Variants in SPOCK2 observed in about 807,000 individuals in gnomAD.
The protein encoded by SPOCK2 is testican-2.
A neutral mutation model predicts 60.1 loss-of-function variants in SPOCK2; 39 were observed. That is an observed-to-expected ratio of 0.65 (90% CI 0.50 to 0.85). The LOEUF (loss-of-function observed/expected upper bound fraction) is 0.85, where lower values mean the gene tolerates loss of function less well. SPOCK2 is among the 40% of genes least tolerant of loss of function. SPOCK2 has a pLI of 0.00. For synonymous variants in SPOCK2, 217 were observed against 231.5 expected, an observed-to-expected ratio of 0.94 and a Z score of 0.57; for missense variants, 523 against 567.4, an observed-to-expected ratio of 0.92 and a Z score of 0.80.
chr10:72,076,380 T>C (rs1308991323), intron 1 of SPOCK2, among the ~76,000 whole-genome samples: 4 of 152,184 alleles, frequency 2.6e-5, no homozygotes, highest in African/African-American at 9.7e-5. Flanking sequence ...GTGGGCTCAT[T>C]AGCAGTTGTG....
chr10:72,059,205 G>C lies in SPOCK2; in HGVS notation c.*3555C>G, dbSNP rs1387743459. 1 of 152,760 alleles carries C rather than the reference G, an allele frequency of 6.5e-6. No individual in the cohort carries two copies. Among genetic ancestry groups the C allele is most frequent in the Non-Finnish European group, 1.5e-5 (1 of 68,098 alleles). The allele number at this position is 152,760 out of a possible 1,614,324, so 9.5% of individuals were successfully genotyped here. Reference sequence around the variant, plus strand: ...GGGACGTGAGAGGATGGGGGCGCAGGGGAAAGGCAGGGCTGGATGACTCAC... The same window carrying C: ...GGGACGTGAGAGGATGGGGGCGCAGCGGAAAGGCAGGGCTGGATGACTCAC... On this transcript the variant is annotated 3_prime_UTR_variant, in exon 11 of 11. Transcript: ENST00000373109.
At chr10:72,067,480 CT>C in intron 7 of SPOCK2, 132 bp downstream of exon 7, 1 of 1,474,700 alleles carries the variant, frequency 6.8e-7, no homozygotes, top group South Asian at 1.3e-5. Context: ...GGTGAAGGTT[CT>C]TTTGGGGCCC....
At chr10:72,077,660 A>G (rs1840730563) in intron 1 of SPOCK2, among the ~76,000 whole-genome samples, 6 of 152,206 alleles carry the variant, frequency 3.9e-5, no homozygotes, top group Admixed American at 3.9e-4. Flanking sequence ...GGGATGAAAA[A>G]GAACAGCCAT....
chr10:72,075,755 G>C (rs774799724), intron 1 of SPOCK2, among the ~76,000 whole-genome samples: 1 of 152,162 alleles, frequency 6.6e-6, no homozygotes, highest in Admixed American at 6.5e-5. Flanking sequence ...CTGTGGCCAG[G>C]CTGGGCAGGC....
At chr10:72,086,660 C>T (rs1840859737) in intron 1 of SPOCK2, 2 of 1,257,534 alleles carry the variant, frequency 1.6e-6, no homozygotes, top group South Asian at 1.5e-5. Flanking sequence ...CAGGCTCCTG[C>T]GGCTGGACAG....
rs1392935427 is a variant in SPOCK2 at position 72,067,595 on chromosome 10, G to A, written c.709+18C>T. On this transcript the variant is annotated intron_variant, in intron 7 of 10. Transcript: ENST00000373109. The stretch of plus-strand genomic sequence containing the variant: ...CCTATTTCCCTCCCTCCTCCAGGCA[G>A]AGCAGCAAGCTTCCTACCGCTGGCC... 1.2e-6 allele frequency: 2 copies of A among 1,611,222 alleles called. No individual in the cohort carries two copies. The highest frequency in any genetic ancestry group is 2.7e-5 in the African/African-American group (2 of 74,832).
chr10:72,061,001 TCTC>T lies in SPOCK2; in HGVS notation c.*1756_*1758del, dbSNP rs1470226784. On this transcript the variant is annotated 3_prime_UTR_variant, in exon 11 of 11. Coordinates refer to ENST00000373109, the MANE Select transcript of SPOCK2 (RefSeq NM_001244950.2). ...CCACTCACCCAGCACACAGGGGGCCTCTCCTCACGCTCCCAGGCCACCAGGATG... is the reference window on the plus strand; with the variant it reads ...CCACTCACCCAGCACACAGGGGGCCTCTCACGCTCCCAGGCCACCAGGATG... The T allele has an allele frequency of 6.6e-6, 1 of 152,660 alleles. No individual in the cohort carries two copies. Among genetic ancestry groups the T allele is most frequent in the Non-Finnish European group, 1.5e-5 (1 of 68,280 alleles). 9.5% of individuals were successfully genotyped at this position (152,660 alleles called of 1,614,324 possible).
chr10:72,063,314 C>G, intron 9 of SPOCK2, 152 bp from the exon 10 acceptor site: 1 of 1,178,712 alleles, frequency 8.5e-7, no homozygotes, highest in Non-Finnish European at 1.2e-6. Context: ...GGCCCAGATG[C>G]TGAGAGCTGG....
chr10:72,063,746 T>C (rs535182402), intron 9 of SPOCK2, among the ~76,000 whole-genome samples: 14 of 152,328 alleles, frequency 9.2e-5, no homozygotes, highest in African/African-American at 2.9e-4. Flanking sequence ...TGCATCCTTC[T>C]TGCCATCCGC....
At chr10:72,070,555 G>A in intron 4 of SPOCK2, 129 bp from the exon 5 acceptor site, 2 of 810,188 alleles carry the variant, frequency 2.5e-6, no homozygotes, top group Non-Finnish European at 4.0e-6. Flanking sequence ...GCCCCTTCCT[G>A]CCCCTGCCCA....
At chr10:72,077,371 C>A (rs766204888) in intron 1 of SPOCK2, among the ~76,000 whole-genome samples, 2 of 152,144 alleles carry the variant, frequency 1.3e-5, no homozygotes, top group African/African-American at 2.4e-5. Context: ...CTCAAGTGAT[C>A]CTCCTCCCTC....
chr10:72,074,018 G>C lies in SPOCK2; in HGVS notation c.190-1108C>G, dbSNP rs141815317. Among the ~76,000 whole-genome samples the C allele has an allele frequency of 8.8e-3, 1,348 of 152,318 alleles. 9 individuals are homozygous for C. The highest frequency in any genetic ancestry group is 0.013 in the Non-Finnish European group (918 of 68,032). On this transcript the variant is annotated intron_variant, in intron 1 of 10. Coordinates refer to ENST00000373109, the MANE Select transcript of SPOCK2 (RefSeq NM_001244950.2). The stretch of plus-strand genomic sequence containing the variant: ...CTCCAGGAGGGGCTCTGGGAGCTGG[G>C]GGGAGAGGGGCATGAGAAGCTACGC...
At chr10:72,067,816 C>T (rs1211215054) in intron 6 of SPOCK2, 84 bp from the exon 7 acceptor site, 5 of 1,541,670 alleles carry the variant, frequency 3.2e-6, no homozygotes, top group Middle Eastern at 1.7e-4. Flanking sequence ...GCCCTACAGG[C>T]CAGGAGGCTG....
chr10:72,067,473 G>A, intron 7 of SPOCK2, 140 bp downstream of exon 7: 4 of 1,436,352 alleles, frequency 2.8e-6, no homozygotes, highest in Non-Finnish European at 3.7e-6. Flanking sequence ...TCTTTGGGGT[G>A]AAGGTTCTTT....
Position 72,063,006 on chromosome 10 carries a change from T to C in SPOCK2, c.1129+19A>G, listed in dbSNP as rs1737619598. ...CCAGGCCTGGGCCCCCAGCAGGCCCTGAGCTGCCCAGCCCGTACCGCAGTC... is the reference window on the plus strand; with the variant it reads ...CCAGGCCTGGGCCCCCAGCAGGCCCCGAGCTGCCCAGCCCGTACCGCAGTC... On this transcript the variant is annotated intron_variant, in intron 10 of 10. Coordinates refer to ENST00000373109, the MANE Select transcript of SPOCK2 (RefSeq NM_001244950.2). The C allele has an allele frequency of 1.3e-6, 2 of 1,564,986 alleles. No individual in the cohort carries two copies. Among genetic ancestry groups the C allele is most frequent in the South Asian group, 1.2e-5 (1 of 85,376 alleles).
intron 6 of SPOCK2, 106 bp from the exon 7 acceptor site, chr10:72,067,838 G>C: frequency 6.7e-7 from 1 of 1,495,942 alleles, no homozygotes; most frequent in Non-Finnish European, 9.0e-7. Context: ...GCAGGGGTCC[G>C]GGAGGCAGCA....
chr10:72,074,137 G>A (rs1014518092), intron 1 of SPOCK2, among the ~76,000 whole-genome samples: 3 of 152,162 alleles, frequency 2.0e-5, no homozygotes, highest in South Asian at 2.1e-4. Context: ...GGAAAAGGGC[G>A]GTGGGGCCAT....
At chr10:72,071,021 C>T (rs942874068) in intron 4 of SPOCK2, among the ~76,000 whole-genome samples, 1 of 152,166 alleles carries the variant, frequency 6.6e-6, no homozygotes, top group African/African-American at 2.4e-5. Context: ...ACTCTTCATG[C>T]ATTACATTAC....
At chr10:72,081,812 C>A (rs965913368) in intron 1 of SPOCK2, among the ~76,000 whole-genome samples, 7 of 152,206 alleles carry the variant, frequency 4.6e-5, no homozygotes, top group African/African-American at 7.2e-5. Flanking sequence ...ATCACCCACA[C>A]AATCAGACCA....
Sources: gnomAD v4.1 joint callset for allele counts (sites outside exome capture counted in the v4.1 genomes callset) on GRCh38, gnomAD v4.1.1 for gene constraint, MANE v1.5 for transcripts, NCBI Gene and HGNC (gene_info 2026-07-23, HGNC 2026-07-21) for gene names.